NEXMIF: variants seen among roughly 807,000 people sequenced by gnomAD.
NEXMIF encodes the protein XLMR protein related to neurite extension.
In NEXMIF, 8 loss-of-function variants were observed where a neutral mutation model predicts 62.1. The ratio of observed to expected loss-of-function variants is 0.13; its 90% CI spans 0.08 to 0.23. The LOEUF (loss-of-function observed/expected upper bound fraction) is 0.23, where lower values mean the gene tolerates loss of function less well. Among genes scored for constraint, NEXMIF ranks in the 10% least tolerant of loss-of-function variants. The pLI is 1.00. For missense variants in NEXMIF, 976 were observed against 1,113.3 expected, an observed-to-expected ratio of 0.88 and a Z score of 1.75; for synonymous variants, 404 against 416.6, an observed-to-expected ratio of 0.97 and a Z score of 0.37.
chrX:74,746,802 G>A (rs192988891), intron 1 of NEXMIF, among the ~76,000 whole-genome samples: 1 of 112,525 alleles, frequency 8.9e-6, no homozygotes, highest in African/African-American at 3.2e-5. Context: ...AGATGACTCT[G>A]GGTTTCCCCT....
In NEXMIF at chrX:74,736,764, C is replaced by T. The variant is rs2080086255; in HGVS notation, c.*2641G>A. The T allele has an allele frequency of 8.9e-6, 1 of 112,225 alleles. No individual in the cohort carries two copies. 9.2% of individuals were successfully genotyped at this position (112,225 alleles called of 1,213,427 possible). ...CTTTTTATGTTTCAGTACAAAGTGA[C>T]TGGTTATGCGTCACTAATTTATATA... On this transcript the variant is annotated 3_prime_UTR_variant, in exon 4 of 4. Transcript: ENST00000055682.
intron 1 of NEXMIF, among the ~76,000 whole-genome samples, chrX:74,796,802 G>A (rs745314857): frequency 1.9e-4 from 21 of 111,487 alleles, no homozygotes; most frequent in African/African-American, 2.6e-4. Context: ...AAGACATATC[G>A]TCCTAACAGA....
chrX:74,792,451 G>C (rs1428050328), intron 1 of NEXMIF, among the ~76,000 whole-genome samples: 1 of 106,969 alleles, frequency 9.3e-6, no homozygotes, highest in Non-Finnish European at 1.9e-5. Flanking sequence ...TGTATATTCT[G>C]TTGATTTGGG....
intron 1 of NEXMIF, among the ~76,000 whole-genome samples, chrX:74,809,587 T>A (rs975134767): frequency 1.5e-4 from 17 of 112,016 alleles, no homozygotes; most frequent in Non-Finnish European, 3.2e-4. Flanking sequence ...TGGGCCAATG[T>A]TGGCCCAAAA....
At chrX:74,845,153 T>C (rs1268453074) in intron 1 of NEXMIF, among the ~76,000 whole-genome samples, 2 of 111,454 alleles carry the variant, frequency 1.8e-5, no homozygotes, top group African/African-American at 6.5e-5. Context: ...ACTAGGTGCA[T>C]GACTCAGTAA....
At chrX:74,813,382 A>T (rs2080366450) in intron 1 of NEXMIF, among the ~76,000 whole-genome samples, 1 of 112,221 alleles carries the variant, frequency 8.9e-6, no homozygotes, top group Admixed American at 9.4e-5. Context: ...AAAAAAGGGT[A>T]AATAATTGTC....
At chrX:74,891,024 A>C (rs757647497) in intron 1 of NEXMIF, among the ~76,000 whole-genome samples, 8 of 112,038 alleles carry the variant, frequency 7.1e-5, no homozygotes, top group Non-Finnish European at 1.1e-4. Flanking sequence ...TTTGGAGAGG[A>C]TGGAGAGGAG....
intron 1 of NEXMIF, among the ~76,000 whole-genome samples, chrX:74,823,709 T>C (rs1486811544): frequency 2.9e-5 from 3 of 104,884 alleles, no homozygotes; most frequent in Non-Finnish European, 3.8e-5. Context: ...GATAGATAGA[T>C]AGATAGATAG....
chrX:74,864,669 T>A (rs2080571006), intron 1 of NEXMIF, among the ~76,000 whole-genome samples: 1 of 111,963 alleles, frequency 8.9e-6, no homozygotes, highest in Non-Finnish European at 1.9e-5. Context: ...TGTGAGTCCA[T>A]TAAACCTTTT....
chrX:74,915,648 A>T (rs1296156926), intron 1 of NEXMIF, among the ~76,000 whole-genome samples: 1 of 111,896 alleles, frequency 8.9e-6, no homozygotes, highest in Non-Finnish European at 1.9e-5. Context: ...AAATATAAGT[A>T]GAGGGGTCAT....
chrX:74,921,512 C>CTTTGTT lies in NEXMIF; in HGVS notation c.-48+3365_-48+3370dup, dbSNP rs755588846. On this transcript the variant is annotated intron_variant, in intron 1 of 3. Transcript: ENST00000055682. ...AAGTGATGCAAACTTGTCTGGTGCT[C>CTTTGTT]TTTGTTTTTGTTTTTGTTTTTCTAA... Among the ~76,000 whole-genome samples the CTTTGTT allele has an allele frequency of 3.1e-3, 346 of 111,833 alleles. 1 individual carries two copies. The highest frequency in any genetic ancestry group is 0.01 in the African/African-American group (323 of 30,776).
At chrX:74,756,573 GA>G (rs1299717515) in intron 1 of NEXMIF, among the ~76,000 whole-genome samples, 1 of 111,433 alleles carries the variant, frequency 9.0e-6, no homozygotes, top group African/African-American at 3.3e-5. Flanking sequence ...TGGAATATCA[GA>G]AAAGAAGAGG....
intron 2 of NEXMIF, among the ~76,000 whole-genome samples, chrX:74,744,919 C>T (rs1302510730): frequency 3.1e-5 from 2 of 64,172 alleles, no homozygotes; most frequent in Admixed American, 2.3e-4. Flanking sequence ...CTCTCTCTCT[C>T]TTCTCTCTCT....
At chrX:74,747,277 A>G (rs1182617376) in intron 1 of NEXMIF, among the ~76,000 whole-genome samples, 1 of 111,786 alleles carries the variant, frequency 8.9e-6, no homozygotes, top group South Asian at 3.8e-4. Context: ...GTTAACTACA[A>G]GCAAGTCCAT....
At chrX:74,844,497 T>G (rs1234812975) in intron 1 of NEXMIF, among the ~76,000 whole-genome samples, 2 of 111,512 alleles carry the variant, frequency 1.8e-5, no homozygotes, top group Non-Finnish European at 3.8e-5. Context: ...CACCACCATT[T>G]ACCCCAAAAG....
At chrX:74,866,888 C>T (rs965666375) in intron 1 of NEXMIF, among the ~76,000 whole-genome samples, 2 of 112,356 alleles carry the variant, frequency 1.8e-5, no homozygotes, top group African/African-American at 3.2e-5. Context: ...TTATAAACTA[C>T]CCAGTCTCGG....
At chrX:74,850,682 C>A (rs2080509864) in intron 1 of NEXMIF, among the ~76,000 whole-genome samples, 1 of 111,091 alleles carries the variant, frequency 9.0e-6, no homozygotes, top group Admixed American at 9.6e-5. Context: ...CCAAGGTGCC[C>A]TACCCAGCCA....
chrX:74,829,589 A>T (rs1452257295), intron 1 of NEXMIF, among the ~76,000 whole-genome samples: 1 of 111,912 alleles, frequency 8.9e-6, no homozygotes, highest in Admixed American at 9.5e-5. Flanking sequence ...TTGCTGGATC[A>T]TATCATAGCC....
intron 1 of NEXMIF, among the ~76,000 whole-genome samples, chrX:74,881,397 C>CACACAT (rs2080662815): frequency 1.0e-5 from 1 of 99,734 alleles, no homozygotes; most frequent in Non-Finnish European, 2.0e-5. Context: ...CACATGCACA[C>CACACAT]ACACACACAC....
Sources: allele counts gnomAD v4.1 joint callset (sites outside exome capture counted in the v4.1 genomes callset), GRCh38; gene constraint gnomAD v4.1.1; transcripts MANE v1.5; gene names NCBI Gene and HGNC (gene_info 2026-07-23, HGNC 2026-07-21).